Variants in CDH13 observed in about 807,000 individuals in gnomAD.
The protein encoded by CDH13 is cadherin 13.
In CDH13, 24 loss-of-function variants were observed where a neutral mutation model predicts 63.8. That is an observed-to-expected ratio of 0.38 (90% CI 0.27 to 0.53). The LOEUF is 0.53. CDH13 is among the 20% of genes least tolerant of loss of function. CDH13 has a pLI of 0.85. For missense variants in CDH13, 1,049 were observed against 903.1 expected (o/e 1.16, Z -2.07); for synonymous variants, 503 against 355.3 (o/e 1.42, Z -4.67).
intron 2 of CDH13, among the ~76,000 whole-genome samples, chr16:82,902,091 A>C (rs147423549): frequency 6.6e-6 from 1 of 152,322 alleles, no homozygotes; most frequent in East Asian, 1.9e-4. Flanking sequence ...GCCTATATCA[A>C]ACTGCCTTTA....
At chr16:82,792,937 G>A (rs17277734) in intron 1 of CDH13, among the ~76,000 whole-genome samples, 133 of 152,342 alleles carry the variant, frequency 8.7e-4, no homozygotes, top group Non-Finnish European at 1.7e-3. Flanking sequence ...AGGGACGACA[G>A]CATTGGACTG....
intron 1 of CDH13, among the ~76,000 whole-genome samples, chr16:82,800,497 C>G (rs1305346776): frequency 1.3e-5 from 2 of 152,088 alleles, no homozygotes; most frequent in African/African-American, 4.8e-5. Flanking sequence ...CGTTAACCTC[C>G]CAGTATGTGG....
chr16:83,181,574 T>G (rs189357617), intron 4 of CDH13, among the ~76,000 whole-genome samples: 12 of 152,328 alleles, frequency 7.9e-5, no homozygotes, highest in African/African-American at 2.6e-4. Context: ...TAGAATCTTA[T>G]GCCTGCCTGG....
At chr16:83,672,312 T>C (rs891649291) in intron 9 of CDH13, among the ~76,000 whole-genome samples, 2 of 151,858 alleles carry the variant, frequency 1.3e-5, no homozygotes, top group Non-Finnish European at 2.9e-5. Flanking sequence ...TTCCAGTAGA[T>C]TCTGTGTCTA....
At chr16:82,932,678 A>T (rs2042537834) in intron 2 of CDH13, among the ~76,000 whole-genome samples, 1 of 152,184 alleles carries the variant, frequency 6.6e-6, no homozygotes, top group Non-Finnish European at 1.5e-5. Flanking sequence ...CTTAGCATAG[A>T]CCTTTAGGTT....
At chr16:82,731,648 C>A (rs148150739) in intron 1 of CDH13, among the ~76,000 whole-genome samples, 1 of 152,180 alleles carries the variant, frequency 6.6e-6, no homozygotes, top group African/African-American at 2.4e-5. Context: ...GGGAACCACA[C>A]TTGCTCATCA....
At chr16:83,080,869 G>GTTTTTTTTTTTT (rs1555579021) in intron 3 of CDH13, among the ~76,000 whole-genome samples, 3 of 37,796 alleles carry the variant, frequency 7.9e-5, no homozygotes, top group African/African-American at 1.1e-4. Flanking sequence ...TTTTGTTTTT[G>GTTTTTTTTTTTT]TGTTTTTTTT....
At chr16:83,731,129 G>A (rs62047465) in intron 10 of CDH13, among the ~76,000 whole-genome samples, 4,777 of 152,290 alleles carry the variant, frequency 0.031, 81 homozygotes, top group African/African-American at 0.041. Flanking sequence ...AAACATACAA[G>A]TGCATGTGTC....
intron 3 of CDH13, among the ~76,000 whole-genome samples, chr16:83,124,495 GC>G (rs2035725063): frequency 6.7e-6 from 1 of 150,238 alleles, no homozygotes; most frequent in Non-Finnish European, 1.5e-5. Flanking sequence ...CTGTGCAGAA[GC>G]TTTTAAGTTT....
At chr16:83,498,598 C>T (rs1285112894) in intron 7 of CDH13, among the ~76,000 whole-genome samples, 1 of 152,122 alleles carries the variant, frequency 6.6e-6, no homozygotes, top group Non-Finnish European at 1.5e-5. Context: ...CTAATGAGGT[C>T]AGTAAAGTGC....
chr16:83,101,461 C>T (rs1386075466), intron 3 of CDH13, among the ~76,000 whole-genome samples: 2 of 148,870 alleles, frequency 1.3e-5, no homozygotes, highest in East Asian at 2.0e-4. Context: ...TAAAATAAAG[C>T]ACAGGAGGGG....
chr16:82,835,360 C>T (rs148037549), intron 1 of CDH13, among the ~76,000 whole-genome samples: 1 of 152,196 alleles, frequency 6.6e-6, no homozygotes, highest in Non-Finnish European at 1.5e-5. Flanking sequence ...ATCTTGGTCT[C>T]TTCTTCCTTT....
chr16:82,871,851 A>T (rs896577759), intron 2 of CDH13, among the ~76,000 whole-genome samples: 2 of 152,170 alleles, frequency 1.3e-5, no homozygotes, highest in Non-Finnish European at 2.9e-5. Flanking sequence ...TCCCTCCAAG[A>T]TGGCCACCAG....
At chr16:82,648,451 C>G (rs1174202478) in intron 1 of CDH13, among the ~76,000 whole-genome samples, 1 of 151,898 alleles carries the variant, frequency 6.6e-6, no homozygotes, top group Non-Finnish European at 1.5e-5. Context: ...TTAGGCAGCT[C>G]AATAGAATAT....
Position 83,706,047 on chromosome 16 carries a change from G to A in CDH13, c.1538+27586G>A, listed in dbSNP as rs139623762. ...TTAATGGCTCAGGAATGTGAGCAGG[G>A]CACACTGGGAGCAGCCTATCTCTGT... On this transcript the variant is annotated intron_variant, in intron 10 of 13. Coordinates refer to ENST00000567109, the MANE Select transcript of CDH13 (RefSeq NM_001257.5). Among the ~76,000 whole-genome samples the A allele has an allele frequency of 2.5e-3, 380 of 152,292 alleles. 1 individual carries two copies. The highest frequency in any genetic ancestry group is 4.3e-3 in the Non-Finnish European group (292 of 68,030).
At chr16:83,408,059 A>G (rs2151452208) in intron 6 of CDH13, among the ~76,000 whole-genome samples, 1 of 152,298 alleles carries the variant, frequency 6.6e-6, no homozygotes, top group South Asian at 2.1e-4. Context: ...CAGCAGTGGC[A>G]CCAGAAGATT....
intron 6 of CDH13, among the ~76,000 whole-genome samples, chr16:83,411,816 C>G (rs2092130304): frequency 6.6e-6 from 1 of 152,194 alleles, no homozygotes; most frequent in African/African-American, 2.4e-5. Flanking sequence ...TATGGAGCAT[C>G]TCATATGTGT....
chr16:83,290,835 T>C (rs2089449090), intron 5 of CDH13, among the ~76,000 whole-genome samples: 1 of 152,164 alleles, frequency 6.6e-6, no homozygotes. Flanking sequence ...AGGGCCGCCT[T>C]TCACCTTGCT....
chr16:83,429,084 GATGGCATTAATTC>G (rs1232266584), intron 6 of CDH13, among the ~76,000 whole-genome samples: 1 of 152,226 alleles, frequency 6.6e-6, no homozygotes, highest in Non-Finnish European at 1.5e-5. Flanking sequence ...TCCTTTGAAA[GATGGCATTAATTC>G]ATGTGCATTT....
Sources: allele counts gnomAD v4.1 joint callset (sites outside exome capture counted in the v4.1 genomes callset), GRCh38; gene constraint gnomAD v4.1.1; transcripts MANE v1.5; gene names NCBI Gene and HGNC (gene_info 2026-07-23, HGNC 2026-07-21).